The following JAKMIP3 variants were observed in gnomAD, a reference collection of about 807,000 sequenced individuals.
The protein encoded by JAKMIP3 is Janus kinase and microtubule interacting protein 3, also known as janus kinase and microtubule-interacting protein 3.
In JAKMIP3, 58 loss-of-function variants were observed where a neutral mutation model predicts 118.5. The observed-to-expected ratio is 0.49, with a 90% CI of 0.40 to 0.61. The LOEUF (loss-of-function observed/expected upper bound fraction) is 0.61. Ranked by LOEUF, JAKMIP3 falls within the 20% of genes least tolerant of loss-of-function variation. The probability of loss-of-function intolerance (pLI) is 0.00; values close to 1 mark genes in which losing one functional copy is unlikely to be tolerated. For missense variants in JAKMIP3, 950 were observed against 1,109.0 expected, an observed-to-expected ratio of 0.86 and a Z score of 2.04; for synonymous variants, 486 against 451.2, an observed-to-expected ratio of 1.08 and a Z score of -0.98.
At chr10:132,093,089 T>C (rs1019561572) in intron 1 of JAKMIP3, among the ~76,000 whole-genome samples, 23 of 152,224 alleles carry the variant, frequency 1.5e-4, no homozygotes, top group Non-Finnish European at 3.2e-4. Context: ...CAGCTAATAT[T>C]GCTGAACAGC....
rs1284056204 is a variant in JAKMIP3, at chr10:132,056,235, C to G, written c.-138+19497C>G. The stretch of plus-strand genomic sequence containing the variant: ...CACCAACAGTGAGGGCGCCTCTCAG[C>G]ACATTGCCACCGGGCTGTAAAGCTT... On this transcript the variant is annotated intron_variant, in intron 1 of 23. Transcript: ENST00000657785. Among the ~76,000 whole-genome samples the G allele has an allele frequency of 2.0e-5, 3 of 152,218 alleles. No individual in the cohort carries two copies. The East Asian group carries it at 5.8e-4, about 29-fold the overall frequency.
At chr10:132,175,459 C>A (rs1214845136) in intron 23 of JAKMIP3, among the ~76,000 whole-genome samples, 1 of 152,138 alleles carries the variant, frequency 6.6e-6, no homozygotes, top group Non-Finnish European at 1.5e-5. Context: ...TCTGCCACCA[C>A]AAGATGGGAA....
intron 1 of JAKMIP3, among the ~76,000 whole-genome samples, chr10:132,077,856 G>C (rs1182860108): frequency 1.3e-5 from 2 of 152,208 alleles, no homozygotes; most frequent in African/African-American, 4.8e-5. Context: ...CTGTCACCCA[G>C]GCTGGAGCGC....
chr10:132,155,213 AATGATGATG>A (rs2056944987), intron 19 of JAKMIP3, among the ~76,000 whole-genome samples: 1 of 149,330 alleles, frequency 6.7e-6, no homozygotes, highest in Non-Finnish European at 1.5e-5. Context: ...AATAGTGATC[AATGATGATG>A]GTGATGATGG....
At chr10:132,119,450 A>G (rs2048211304) in intron 3 of JAKMIP3, among the ~76,000 whole-genome samples, 1 of 152,174 alleles carries the variant, frequency 6.6e-6, no homozygotes, top group Admixed American at 6.5e-5. Flanking sequence ...TTCGTCTTGC[A>G]TACTTATGTC....
At chr10:132,134,965 G>T in intron 4 of JAKMIP3, 76 bp from the exon 5 acceptor site, 1 of 1,562,410 alleles carries the variant, frequency 6.4e-7, no homozygotes, top group Non-Finnish European at 8.8e-7. Context: ...TTTTGTTCCC[G>T]TAGCGTGCTG....
chr10:132,150,391 GA>G (rs2055869755), intron 16 of JAKMIP3, among the ~76,000 whole-genome samples: 1 of 152,176 alleles, frequency 6.6e-6, no homozygotes, highest in Non-Finnish European at 1.5e-5. Context: ...TGGCTTGGGG[GA>G]AAAGCAGACT....
Position 132,154,046 on chromosome 10 carries a change from A to G in JAKMIP3, c.2220+56A>G, listed in dbSNP as rs78541298. 1.1e-5 allele frequency: 17 copies of G among 1,549,156 alleles called. No individual in the cohort carries two copies. In the African/African-American group the frequency reaches 1.4e-4, roughly 12 times the overall value. On this transcript the variant is annotated intron_variant, in intron 19 of 23. Transcript: ENST00000684848. ...GGAGGGGCACTGGGCTGAAACGGCC[A>G]CGTGGCTCAGGTGCCCAGCAGTGCC...
upstream of JAKMIP3, among the ~76,000 whole-genome samples, chr10:132,059,809 G>A (rs897938769): frequency 6.6e-6 from 1 of 152,252 alleles, no homozygotes; most frequent in Admixed American, 6.5e-5. Flanking sequence ...TAATTTGCAG[G>A]TGTTCAAATT....
rs2061686754 is a variant in JAKMIP3, at chr10:132,184,287, ACCC to A, written c.*3036_*3038del. On this transcript the variant is annotated 3_prime_UTR_variant, in exon 24 of 24. Coordinates refer to ENST00000684848, the MANE Select transcript of JAKMIP3 (RefSeq NM_001323087.2). ...TTGCAGAATCTGTAGCCTTCAGGAT[ACCC>A]CGAGTGCCTTACAGGGCTTGTGAAC... is the stretch of plus-strand genomic sequence containing the variant. 1.3e-5 allele frequency: 2 copies of A among 152,116 alleles called. No homozygotes were observed. The highest frequency in any genetic ancestry group is 2.9e-5 in the Non-Finnish European group (2 of 68,032). The allele number at this position is 152,116 out of a possible 1,614,324, so 9.4% of individuals were successfully genotyped here.
rs1397138964 is a variant in JAKMIP3, at chr10:132,163,385, C to G, written c.2397C>G (p.Arg799=). ...GGGACGCCCAGATCCTGCGGGAGCGCATGGAGCTGCTGCAGCTGGCTCAGC... is the reference window on the plus strand; with the variant it reads ...GGGACGCCCAGATCCTGCGGGAGCGGATGGAGCTGCTGCAGCTGGCTCAGC... ...RERDAQILRE[R]MELLQLAQQR... The change falls in exon 20 of 24, where the codon CGC becomes CGG. Residue 799 remains arginine, a synonymous_variant. Coordinates refer to ENST00000684848, the MANE Select transcript of JAKMIP3 (RefSeq NM_001323087.2). 5.0e-6 allele frequency: 8 copies of G among 1,604,378 alleles called. No individual in the cohort carries two copies. Among genetic ancestry groups the G allele is most frequent in the Non-Finnish European group, 5.9e-6 (7 of 1,178,942 alleles).
At chr10:132,171,286 C>G (rs2059458650) in intron 23 of JAKMIP3, among the ~76,000 whole-genome samples, 1 of 152,198 alleles carries the variant, frequency 6.6e-6, no homozygotes, top group African/African-American at 2.4e-5. Context: ...GAAAGAGCTA[C>G]TACCTAAACT....
intron 2 of JAKMIP3, among the ~76,000 whole-genome samples, chr10:132,106,857 C>A (rs1038718372): frequency 6.6e-6 from 1 of 152,096 alleles, no homozygotes; most frequent in Non-Finnish European, 1.5e-5. Context: ...AGAATGAAAC[C>A]CTTTGTTTTA....
chr10:132,159,641 G>GGGGGGGCCTCTCCCTATGTGATGCTCA (rs1564981716), intron 19 of JAKMIP3, among the ~76,000 whole-genome samples: 2 of 70,846 alleles, frequency 2.8e-5, no homozygotes, highest in Admixed American at 1.4e-4. Flanking sequence ...TTGTGATGCT[G>GGGGGGGCCTCTCCCTATGTGATGCTCA]GGGGGCCTCT....
chr10:132,178,177 C>T (rs868640113), intron 23 of JAKMIP3, among the ~76,000 whole-genome samples: 5 of 152,264 alleles, frequency 3.3e-5, no homozygotes, highest in Non-Finnish European at 7.3e-5. Context: ...CAGAGCACCA[C>T]GTGCCTGAGG....
At chr10:132,098,329 C>T (rs1434755417) in intron 1 of JAKMIP3, among the ~76,000 whole-genome samples, 4 of 152,242 alleles carry the variant, frequency 2.6e-5, no homozygotes, top group East Asian at 1.9e-4. Context: ...CAGCCAAGAT[C>T]GCCTTTCAGT....
intron 16 of JAKMIP3, among the ~76,000 whole-genome samples, chr10:132,150,257 C>G (rs143348948): frequency 6.6e-6 from 1 of 151,964 alleles, no homozygotes; most frequent in Non-Finnish European, 1.5e-5. Context: ...CTGGTTCTTC[C>G]AGCTGATGGC....
chr10:132,085,964 ATTGT>A (rs757413746), intron 1 of JAKMIP3, among the ~76,000 whole-genome samples: 1 of 151,692 alleles, frequency 6.6e-6, no homozygotes, highest in African/African-American at 2.4e-5. Context: ...GTGACCTTAG[ATTGT>A]TTGTGCTCTT....
intron 1 of JAKMIP3, 59 bp from the exon 2 acceptor site, chr10:132,104,613 T>A: frequency 3.3e-6 from 2 of 606,638 alleles, no homozygotes; most frequent in East Asian, 5.7e-5. Flanking sequence ...CACAAGCCCC[T>A]GAGCTCCAGG....
Sources: allele counts gnomAD v4.1 joint callset (sites outside exome capture counted in the v4.1 genomes callset), GRCh38; gene constraint gnomAD v4.1.1; transcripts MANE v1.5; gene names NCBI Gene and HGNC (gene_info 2026-07-23, HGNC 2026-07-21).